The following MYO3B variants were observed in gnomAD, a reference collection of about 807,000 sequenced individuals.
MYO3B encodes myosin IIIB, also known as myosin-IIIb.
In MYO3B, 156 loss-of-function variants were observed where a neutral mutation model predicts 174.6. That is an observed-to-expected ratio of 0.89 (90% CI 0.78 to 1.02). MYO3B has a LOEUF of 1.02. Among genes scored for constraint, MYO3B ranks in the 50% least tolerant of loss-of-function variants. MYO3B has a pLI of 0.00. For synonymous variants in MYO3B, 563 were observed against 569.1 expected (o/e 0.99, Z 0.15); for missense variants, 1,632 against 1,639.4 (o/e 1.00, Z 0.08).
intron 32 of MYO3B, among the ~76,000 whole-genome samples, chr2:170,635,485 G>A (rs530114982): frequency 6.6e-6 from 1 of 152,094 alleles, no homozygotes; most frequent in African/African-American, 2.4e-5. Flanking sequence ...AGCGGGGGAG[G>A]GATAGCATTA....
rs2092636598 is a variant in MYO3B at position 170,199,378 on chromosome 2, T to C, written c.173T>C (p.Leu58Pro). The change falls in exon 2 of 35, where the codon CTG (leucine) becomes CCG (proline). Residue 58 changes from leucine (L) to proline (P), a missense_variant. By Grantham distance (98) the Leu-to-Pro change is moderately conservative. Transcript: ENST00000408978. Reference sequence around the variant, plus strand: ...GGGAGCCTGGCTGCAGTGAAAATTCTGGATCCAGTCAGTGTAAGTAACAGT... The same window carrying C: ...GGGAGCCTGGCTGCAGTGAAAATTCCGGATCCAGTCAGTGTAAGTAACAGT... Reference protein sequence around the residue: ...RDGSLAAVKILDPVSDMDEEI... With the variant: ...RDGSLAAVKIPDPVSDMDEEI... 1.9e-6 allele frequency: 3 copies of C among 1,610,690 alleles called. No individual in the cohort carries two copies. The highest frequency in any genetic ancestry group is 2.5e-6 in the Non-Finnish European group (3 of 1,178,480).
At chr2:170,628,350 C>T (rs559652519) in intron 32 of MYO3B, among the ~76,000 whole-genome samples, 1 of 152,338 alleles carries the variant, frequency 6.6e-6, no homozygotes, top group African/African-American at 2.4e-5. Context: ...CTGAGCCAGG[C>T]GCAGGATATA....
Position 170,351,651 on chromosome 2 carries a change from A to G in MYO3B, c.815+16201A>G, listed in dbSNP as rs75040854. On this transcript the variant is annotated intron_variant, in intron 8 of 34. Transcript: ENST00000408978. Reference sequence around the variant, plus strand: ...CAAAGGGGAAGTGAGAGGGAGAGAGAAAACAAAATCCTCTTCCTCCTCACC... The same window carrying G: ...CAAAGGGGAAGTGAGAGGGAGAGAGGAAACAAAATCCTCTTCCTCCTCACC... 7.8e-4 allele frequency among the ~76,000 whole-genome samples: 118 copies of G among 152,228 alleles called. 2 individuals are homozygous for G. The East Asian group carries it at 0.023, about 29-fold the overall frequency.
Position 170,281,309 on chromosome 2 carries a change from A to G in MYO3B, c.749+45173A>G, listed in dbSNP as rs999029483. Reference sequence around the variant, plus strand: ...TGTCAGAATTCTCCTCCCAAAAACAATATATATTCTTCTCATTGTCTAATG... The same window carrying G: ...TGTCAGAATTCTCCTCCCAAAAACAGTATATATTCTTCTCATTGTCTAATG... On this transcript the variant is annotated intron_variant, in intron 7 of 34. Transcript: ENST00000408978. Among the ~76,000 whole-genome samples, 15 of 152,160 alleles carry G rather than the reference A, an allele frequency of 9.9e-5. No individual in the cohort carries two copies. In the South Asian group the frequency reaches 3.1e-3, roughly 32 times the overall value.
chr2:170,435,120 C>A (rs939816464), intron 22 of MYO3B, among the ~76,000 whole-genome samples: 2 of 152,220 alleles, frequency 1.3e-5, no homozygotes, highest in East Asian at 3.8e-4. Flanking sequence ...CAAACATTAC[C>A]AGCCCAACTC....
intron 2 of MYO3B, 51 bp from the exon 3 acceptor site, chr2:170,200,099 C>T (rs1252392499): frequency 1.3e-6 from 2 of 1,573,654 alleles, no homozygotes; most frequent in African/African-American, 2.7e-5. Context: ...TATCTGTACC[C>T]TTCCTTACAC....
chr2:170,503,086 C>T (rs1480647405), intron 28 of MYO3B, among the ~76,000 whole-genome samples: 11 of 152,232 alleles, frequency 7.2e-5, no homozygotes, highest in Non-Finnish European at 1.6e-4. Context: ...TGCCTCCCAA[C>T]ACGCACACAA....
intron 32 of MYO3B, among the ~76,000 whole-genome samples, chr2:170,636,957 C>CCT (rs1553546022): frequency 6.8e-6 from 1 of 146,578 alleles, no homozygotes; most frequent in East Asian, 2.0e-4. Context: ...TGCTTTTGTG[C>CCT]GTGTGTGTGT....
intron 28 of MYO3B, among the ~76,000 whole-genome samples, chr2:170,502,858 ACTT>A (rs1326754254): frequency 9.2e-5 from 14 of 152,208 alleles, no homozygotes; most frequent in Non-Finnish European, 1.9e-4. Flanking sequence ...CTCCAAGTAA[ACTT>A]CTCAGAACTC....
At chr2:170,299,236 A>G (rs1218724787) in intron 7 of MYO3B, among the ~76,000 whole-genome samples, 1 of 152,226 alleles carries the variant, frequency 6.6e-6, no homozygotes, top group Non-Finnish European at 1.5e-5. Context: ...CTCTGAGGTC[A>G]TAGGCCTGGC....
intron 6 of MYO3B, among the ~76,000 whole-genome samples, chr2:170,231,287 C>G (rs2093013279): frequency 6.6e-6 from 1 of 152,198 alleles, no homozygotes; most frequent in Non-Finnish European, 1.5e-5. Context: ...CAATTGAAGA[C>G]AGATAATGAC....
chr2:170,649,323 AAT>A (rs1698788213), intron 32 of MYO3B, among the ~76,000 whole-genome samples: 1 of 92,270 alleles, frequency 1.1e-5, no homozygotes, highest in African/African-American at 5.1e-5. Flanking sequence ...TATATAAAAT[AAT>A]ATAATATATA....
chr2:170,191,278 C>T (rs941752436), intron 1 of MYO3B, among the ~76,000 whole-genome samples: 4 of 151,874 alleles, frequency 2.6e-5, no homozygotes, highest in Non-Finnish European at 5.9e-5. Flanking sequence ...TGGAGCTGTG[C>T]GCTGCACTGC....
chr2:170,400,844 T>C (rs1270838580), intron 17 of MYO3B, among the ~76,000 whole-genome samples: 1 of 152,110 alleles, frequency 6.6e-6, no homozygotes, highest in Non-Finnish European at 1.5e-5. Flanking sequence ...TTTCTTTTTT[T>C]TTTCGAGGCG....
At chr2:170,454,627 G>T (rs1482060924) in intron 23 of MYO3B, among the ~76,000 whole-genome samples, 2 of 152,188 alleles carry the variant, frequency 1.3e-5, no homozygotes, top group African/African-American at 4.8e-5. Flanking sequence ...AAGGAGAGGG[G>T]CTACCGAACC....
intron 23 of MYO3B, 22 bp from the exon 24 acceptor site, chr2:170,463,346 T>C: frequency 1.2e-6 from 2 of 1,611,080 alleles, no homozygotes; most frequent in Non-Finnish European, 1.7e-6. Flanking sequence ...CTCAAACCAC[T>C]TGCCTCCACC....
At chr2:170,462,919 C>T (rs1342403181) in intron 23 of MYO3B, among the ~76,000 whole-genome samples, 1 of 152,250 alleles carries the variant, frequency 6.6e-6, no homozygotes, top group Non-Finnish European at 1.5e-5. Flanking sequence ...CTGATGGTTG[C>T]AGCATCAGAG....
Position 170,239,240 on chromosome 2 carries a change from G to A in MYO3B, c.749+3104G>A, listed in dbSNP as rs533368689. On this transcript the variant is annotated intron_variant, in intron 7 of 34. Coordinates refer to ENST00000408978, the MANE Select transcript of MYO3B (RefSeq NM_138995.5). The stretch of plus-strand genomic sequence containing the variant: ...TCCAAAGGCTTAAAAGGATCTTGAA[G>A]ATGACCTGGATATATTTTTCCCTTA... 1.1e-3 allele frequency among the ~76,000 whole-genome samples: 163 copies of A among 152,342 alleles called. 1 individual carries two copies. Among genetic ancestry groups the A allele is most frequent in the African/African-American group, 3.8e-3 (158 of 41,580 alleles).
chr2:170,244,814 G>T (rs1448542641), intron 7 of MYO3B, among the ~76,000 whole-genome samples: 2 of 152,154 alleles, frequency 1.3e-5, no homozygotes, highest in Non-Finnish European at 2.9e-5. Context: ...TATGAATGGG[G>T]ACTATTTTAG....
Sources: gnomAD v4.1 joint callset for allele counts (sites outside exome capture counted in the v4.1 genomes callset) on GRCh38, gnomAD v4.1.1 for gene constraint, MANE v1.5 for transcripts, NCBI Gene and HGNC (gene_info 2026-07-23, HGNC 2026-07-21) for gene names.